Variants in NFATC3 observed in about 807,000 individuals in gnomAD.
The protein encoded by NFATC3 is nuclear factor of activated T cells 3, also known as nuclear factor of activated T-cells, cytoplasmic 3.
In NFATC3, 46 loss-of-function variants were observed where a neutral mutation model predicts 98.6. The ratio of observed to expected loss-of-function variants is 0.47; its 90% confidence interval spans 0.37 to 0.60. NFATC3 has a LOEUF of 0.60. NFATC3 is among the 20% of genes least tolerant of loss of function. The pLI, the probability that NFATC3 is intolerant of heterozygous loss-of-function variation, is 0.00. For missense variants in NFATC3, 1,256 were observed against 1,295.5 expected, an observed-to-expected ratio of 0.97 and a Z score of 0.47; for synonymous variants, 512 against 472.2, an observed-to-expected ratio of 1.08 and a Z score of -1.09.
intron 3 of NFATC3, among the ~76,000 whole-genome samples, chr16:68,144,294 G>A (rs930376364): frequency 1.3e-5 from 2 of 152,114 alleles, no homozygotes; most frequent in African/African-American, 4.8e-5. Context: ...CTGTTGTCAA[G>A]GATGCACAGA....
At chr16:68,218,295 C>T (rs2041711969) in intron 9 of NFATC3, among the ~76,000 whole-genome samples, 1 of 151,664 alleles carries the variant, frequency 6.6e-6, no homozygotes, top group African/African-American at 2.4e-5. Context: ...TGAATTCAGG[C>T]CAGGCATGGT....
At chr16:68,204,617 G>A (rs575425804) in intron 9 of NFATC3, among the ~76,000 whole-genome samples, 22 of 152,272 alleles carry the variant, frequency 1.4e-4, no homozygotes, top group Admixed American at 7.2e-4. Context: ...TCTCACATGT[G>A]TTTTTAGTGG....
chr16:68,212,934 C>T (rs1183228617), intron 9 of NFATC3, among the ~76,000 whole-genome samples: 14 of 147,706 alleles, frequency 9.5e-5, no homozygotes, highest in Non-Finnish European at 1.6e-4. Context: ...GGACTACAGG[C>T]GCCCGCCACC....
chr16:68,134,876 A>G (rs773373591), intron 3 of NFATC3, among the ~76,000 whole-genome samples: 2 of 152,104 alleles, frequency 1.3e-5, no homozygotes, highest in South Asian at 2.1e-4. Context: ...GAAGCAAACC[A>G]TGCAGCCAGT....
Position 68,190,788 on chromosome 16 carries a change from AGAG to A in NFATC3, c.2120_2122del (p.Arg707_Glu708delinsLys), listed in dbSNP as rs746638716. 13 of 1,607,376 alleles carry A rather than the reference AGAG, an allele frequency of 8.1e-6. No homozygotes were observed. Among genetic ancestry groups the A allele is most frequent in the Non-Finnish European group, 1.1e-5 (13 of 1,175,562 alleles). On this transcript the variant is annotated inframe_deletion, in exon 9 of 10. Transcript: ENST00000346183. Reference sequence around the variant, plus strand: ...TTCAGTTTTGATGAAGCAAGAACACAGAGAAGAGATTGATTTGTCTTCAGTTCC... The same window carrying A: ...TTCAGTTTTGATGAAGCAAGAACACAAAGAGATTGATTTGTCTTCAGTTCC...
chr16:68,115,263 C>T (rs2036212499), intron 1 of NFATC3, among the ~76,000 whole-genome samples: 1 of 151,972 alleles, frequency 6.6e-6, no homozygotes, highest in Admixed American at 6.6e-5. Flanking sequence ...GAGGTTTTGC[C>T]ATGTTGTCCA....
At chr16:68,210,302 A>AG (rs903665984) in intron 9 of NFATC3, among the ~76,000 whole-genome samples, 2 of 148,986 alleles carry the variant, frequency 1.3e-5, no homozygotes, top group African/African-American at 5.1e-5. Context: ...CTTCTCAAAA[A>AG]AAAAAAAAGA....
At chr16:68,096,171 G>T (rs1045980693) in intron 1 of NFATC3, among the ~76,000 whole-genome samples, 1 of 151,850 alleles carries the variant, frequency 6.6e-6, no homozygotes, top group Non-Finnish European at 1.5e-5. Context: ...TTTCTGTGTT[G>T]CCCAGGCCAG....
chr16:68,209,489 G>T (rs2041285565), intron 9 of NFATC3: 1 of 202,124 alleles, frequency 4.9e-6, no homozygotes, highest in Non-Finnish European at 1.0e-5. Flanking sequence ...TGCTGCTGGA[G>T]GTGTGGTGGC....
chr16:68,093,818 C>T (rs1458036791), intron 1 of NFATC3, among the ~76,000 whole-genome samples: 1 of 152,138 alleles, frequency 6.6e-6, no homozygotes, highest in African/African-American at 2.4e-5. Flanking sequence ...GCTATGCCTG[C>T]CTCTTGCCTT....
At chr16:68,209,846 C>A in intron 9 of NFATC3, 1 of 353,384 alleles carries the variant, frequency 2.8e-6, no homozygotes, top group South Asian at 2.2e-5. Context: ...CCAACACACA[C>A]ACAGACACAC....
At chr16:68,156,430 A>G (rs949762697) in intron 3 of NFATC3, among the ~76,000 whole-genome samples, 1 of 152,368 alleles carries the variant, frequency 6.6e-6, no homozygotes, top group African/African-American at 2.4e-5. Context: ...ACAATCTTCA[A>G]CAAAATGCTT....
intron 9 of NFATC3, 41 bp downstream of exon 9, chr16:68,191,816 C>G: frequency 6.2e-7 from 1 of 1,603,082 alleles, no homozygotes; most frequent in Non-Finnish European, 8.5e-7. Flanking sequence ...AGTGAAGATT[C>G]AGGGACTTTA....
intron 1 of NFATC3, among the ~76,000 whole-genome samples, chr16:68,093,631 GTACC>G (rs1387032470): frequency 1.3e-5 from 2 of 152,128 alleles, no homozygotes; most frequent in Non-Finnish European, 2.9e-5. Flanking sequence ...GTGTTATTGA[GTACC>G]TATTATGTGC....
intron 9 of NFATC3, among the ~76,000 whole-genome samples, chr16:68,212,914 CA>C (rs1319201601): frequency 3.4e-5 from 5 of 149,154 alleles, no homozygotes; most frequent in Non-Finnish European, 5.9e-5. Flanking sequence ...CTCAGCCTCC[CA>C]AGTAGCTGGG....
At chr16:68,192,182 TGGGCGGCAGAGCAAGACTCCGTCTC>T (rs2040437046) in intron 9 of NFATC3, 2 of 123,532 alleles carry the variant, frequency 1.6e-5, no homozygotes, top group Admixed American at 2.1e-4. Flanking sequence ...CACTCCAGCC[TGGGCGGCAGAGCAAGACTCCGTCTC>T]GGGAAAAAAA....
intron 5 of NFATC3, among the ~76,000 whole-genome samples, chr16:68,173,507 C>T (rs1246715376): frequency 3.3e-5 from 5 of 151,882 alleles, no homozygotes; most frequent in Admixed American, 1.3e-4. Context: ...GCAGAGGTTG[C>T]GGTGAGCCGA....
At chr16:68,197,597 A>C (rs995169691) in intron 9 of NFATC3, among the ~76,000 whole-genome samples, 1 of 152,210 alleles carries the variant, frequency 6.6e-6, no homozygotes, top group African/African-American at 2.4e-5. Flanking sequence ...TGAGTATTTT[A>C]AGTGAGTCAT....
chr16:68,159,404 C>CT (rs577760579), intron 4 of NFATC3, among the ~76,000 whole-genome samples: 8,584 of 133,268 alleles, frequency 0.064, 287 homozygotes, highest in Middle Eastern at 0.16. Context: ...ACCTTTCTTT[C>CT]TTTTTTTTTT....
Sources: allele counts gnomAD v4.1 joint callset (sites outside exome capture counted in the v4.1 genomes callset), GRCh38; gene constraint gnomAD v4.1.1; transcripts MANE v1.5; gene names NCBI Gene and HGNC (gene_info 2026-07-23, HGNC 2026-07-21).